PKHD1: variants seen among roughly 807,000 people sequenced by gnomAD.
PKHD1 encodes the protein fibrocystin.
A neutral mutation model predicts 412.0 loss-of-function variants in PKHD1; 291 were observed. That is an observed-to-expected ratio of 0.71 (90% CI 0.64 to 0.78). PKHD1 has a LOEUF of 0.78. Ranked by LOEUF, PKHD1 falls within the 30% of genes least tolerant of loss-of-function variation. The pLI is 0.00. For synonymous variants in PKHD1, 1,777 were observed against 1,821.5 expected, an observed-to-expected ratio of 0.98 and a Z score of 0.62; for missense variants, 4,825 against 4,950.7, an observed-to-expected ratio of 0.97 and a Z score of 0.76.
intron 43 of PKHD1, among the ~76,000 whole-genome samples, chr6:51,897,401 T>C (rs1017188482): frequency 2.0e-5 from 3 of 152,104 alleles, no homozygotes; most frequent in African/African-American, 7.2e-5. Context: ...GAATTTCATA[T>C]CCAGCCAAAC....
chr6:51,884,143 A>G (rs1777830792), intron 45 of PKHD1, among the ~76,000 whole-genome samples: 2 of 152,192 alleles, frequency 1.3e-5, no homozygotes, highest in Admixed American at 1.3e-4. Flanking sequence ...ATTTTTTGCT[A>G]ATTTTATTTA....
chr6:51,833,222 A>G (rs1453503303), intron 51 of PKHD1, among the ~76,000 whole-genome samples: 1 of 152,124 alleles, frequency 6.6e-6, no homozygotes, highest in Non-Finnish European at 1.5e-5. Flanking sequence ...CTCCAATTTT[A>G]TATCACAGAT....
intron 35 of PKHD1, among the ~76,000 whole-genome samples, chr6:51,998,841 C>G (rs1306753718): frequency 6.6e-6 from 1 of 152,062 alleles, no homozygotes; most frequent in Non-Finnish European, 1.5e-5. Context: ...ATCTTCTCAT[C>G]TGCACACTTT....
chr6:51,803,581 T>C (rs1370476659), intron 52 of PKHD1, among the ~76,000 whole-genome samples: 1 of 151,606 alleles, frequency 6.6e-6, no homozygotes, highest in African/African-American at 2.4e-5. Flanking sequence ...GTATTATCAC[T>C]GACCAATACA....
intron 35 of PKHD1, among the ~76,000 whole-genome samples, chr6:51,988,103 G>C (rs1264345115): frequency 6.6e-6 from 1 of 152,168 alleles, no homozygotes; most frequent in East Asian, 1.9e-4. Context: ...GGAAAAGATA[G>C]ATTTCTTAAG....
chr6:51,722,705 C>T (rs866359311), intron 60 of PKHD1, among the ~76,000 whole-genome samples: 10 of 152,140 alleles, frequency 6.6e-5, no homozygotes, highest in African/African-American at 2.2e-4. Flanking sequence ...ATAAATCTTT[C>T]CTGCCCTCCA....
intron 19 of PKHD1, among the ~76,000 whole-genome samples, chr6:52,054,911 A>C (rs1265174533): frequency 6.6e-6 from 1 of 152,210 alleles, no homozygotes; most frequent in Non-Finnish European, 1.5e-5. Context: ...ACAGCAGCCC[A>C]ACTAGGAAAA....
chr6:51,670,224 G>A (rs1774676553), intron 60 of PKHD1, among the ~76,000 whole-genome samples: 1 of 151,426 alleles, frequency 6.6e-6, no homozygotes, highest in African/African-American at 2.4e-5. Context: ...TATGAATCTG[G>A]GTGCTCCTGT....
chr6:51,980,824 A>G (rs1474151133), intron 35 of PKHD1, among the ~76,000 whole-genome samples: 1 of 152,236 alleles, frequency 6.6e-6, no homozygotes, highest in Non-Finnish European at 1.5e-5. Context: ...CATGATCCCT[A>G]TTATAACCCT....
At chr6:51,995,191 C>T (rs1006853036) in intron 35 of PKHD1, among the ~76,000 whole-genome samples, 3 of 152,188 alleles carry the variant, frequency 2.0e-5, no homozygotes, top group Non-Finnish European at 1.5e-5. Context: ...TCCAAGAGAA[C>T]AGCAGCTACA....
At chr6:51,773,294 T>C (rs1790455867) in intron 54 of PKHD1, among the ~76,000 whole-genome samples, 1 of 151,972 alleles carries the variant, frequency 6.6e-6, no homozygotes, top group African/African-American at 2.4e-5. Context: ...TTCTAAGTCC[T>C]TTGTTTCAAA....
At chr6:51,769,197 T>G (rs1159751463) in intron 55 of PKHD1, among the ~76,000 whole-genome samples, 1 of 151,480 alleles carries the variant, frequency 6.6e-6, no homozygotes, top group Non-Finnish European at 1.5e-5. Flanking sequence ...CCTGTTCCCT[T>G]AAATTAACTG....
rs1347911533 is a variant in PKHD1 at position 51,619,081 on chromosome 6, T to A, written c.12225A>T (p.Ter4075CysextTer25). 59 of 1,613,834 alleles carry A rather than the reference T, an allele frequency of 3.7e-5. No individual in the cohort carries two copies. Among genetic ancestry groups the A allele is most frequent in the Non-Finnish European group, 4.9e-5 (58 of 1,179,828 alleles). Residue 4075 changes from the stop codon to cysteine, a stop_lost, in exon 67 of 67, where the codon TGA becomes TGT. Coordinates refer to ENST00000371117, the MANE Select transcript of PKHD1 (RefSeq NM_138694.4). Reference protein sequence around the residue: ...VHPETIQEQL* With the variant: ...VHPETIQEQLC ...GGCCAAATGCCCCCAACTTCCCTGA[T>A]CACAGTTGCTCCTGAATAGTTTCCG...
intron 60 of PKHD1, among the ~76,000 whole-genome samples, chr6:51,665,596 T>C (rs1299967628): frequency 6.6e-6 from 1 of 152,174 alleles, no homozygotes; most frequent in Non-Finnish European, 1.5e-5. Context: ...AAGTAGGTTC[T>C]TTTATCTTTA....
intron 35 of PKHD1, among the ~76,000 whole-genome samples, chr6:51,981,083 C>T (rs1190737782): frequency 1.3e-5 from 2 of 151,876 alleles, no homozygotes; most frequent in African/African-American, 2.4e-5. Flanking sequence ...GCGTTTATAA[C>T]CTATTTGGAA....
intron 61 of PKHD1, among the ~76,000 whole-genome samples, chr6:51,649,807 G>A (rs1469741529): frequency 6.6e-6 from 1 of 152,058 alleles, no homozygotes; most frequent in Non-Finnish European, 1.5e-5. Context: ...TATATTTTCC[G>A]AGTGTGTTTG....
intron 48 of PKHD1, among the ~76,000 whole-genome samples, chr6:51,866,169 G>T (rs1390478004): frequency 1.3e-5 from 2 of 152,108 alleles, no homozygotes; most frequent in Non-Finnish European, 2.9e-5. Flanking sequence ...CTGGAAGCAC[G>T]CTGAGACTTC....
At chr6:51,950,936 C>A (rs1370729314) in intron 36 of PKHD1, among the ~76,000 whole-genome samples, 1 of 152,092 alleles carries the variant, frequency 6.6e-6, no homozygotes, top group African/African-American at 2.4e-5. Context: ...AGTGAATTGT[C>A]CCACTTTAGA....
chr6:51,625,304 T>C (rs1354120390), intron 66 of PKHD1, among the ~76,000 whole-genome samples: 1 of 152,138 alleles, frequency 6.6e-6, no homozygotes, highest in Non-Finnish European at 1.5e-5. Context: ...TAAAGTGCCA[T>C]GGCAATAATA....
Sources: gnomAD v4.1 joint callset for allele counts (sites outside exome capture counted in the v4.1 genomes callset) on GRCh38, gnomAD v4.1.1 for gene constraint, MANE v1.5 for transcripts, NCBI Gene and HGNC (gene_info 2026-07-23, HGNC 2026-07-21) for gene names.